The following GPC6 variants were observed in gnomAD, a reference collection of about 807,000 sequenced individuals.
GPC6 encodes the protein glypican 6.
A neutral mutation model predicts 55.2 loss-of-function variants in GPC6; 14 were observed. The observed-to-expected ratio is 0.25, with a 90% CI of 0.17 to 0.40. GPC6 has a LOEUF of 0.40. Among genes scored for constraint, GPC6 ranks in the 10% least tolerant of loss-of-function variants. The probability of loss-of-function intolerance (pLI) is 1.00; values close to 1 mark genes in which losing one functional copy is unlikely to be tolerated. For missense variants in GPC6, 641 were observed against 708.5 expected, an observed-to-expected ratio of 0.90 and a Z score of 1.08; for synonymous variants, 278 against 259.6, an observed-to-expected ratio of 1.07 and a Z score of -0.68.
chr13:94,226,677 T>C (rs1890570237), intron 4 of GPC6, among the ~76,000 whole-genome samples: 1 of 152,200 alleles, frequency 6.6e-6, no homozygotes, highest in African/African-American at 2.4e-5. Flanking sequence ...CGGTTTCTTA[T>C]CTTCACCATG....
intron 1 of GPC6, among the ~76,000 whole-genome samples, chr13:93,432,465 C>T (rs1877398925): frequency 6.6e-6 from 1 of 152,106 alleles, no homozygotes; most frequent in African/African-American, 2.4e-5. Context: ...GAACCAGTCA[C>T]ACAAATAAAT....
chr13:93,539,694 CT>C (rs11455046), intron 1 of GPC6, among the ~76,000 whole-genome samples: 42 of 144,792 alleles, frequency 2.9e-4, no homozygotes, highest in Non-Finnish European at 3.5e-4. Context: ...GTGCTTGGTA[CT>C]TTTTTTTTTT....
chr13:93,258,564 C>T (rs1408584194), intron 1 of GPC6, among the ~76,000 whole-genome samples: 1 of 152,050 alleles, frequency 6.6e-6, no homozygotes, highest in Admixed American at 6.6e-5. Context: ...GTAAATTAGC[C>T]ATAATTAGTT....
At chr13:93,952,188 A>G (rs1879281761) in intron 3 of GPC6, among the ~76,000 whole-genome samples, 2 of 152,158 alleles carry the variant, frequency 1.3e-5, no homozygotes, top group South Asian at 2.1e-4. Flanking sequence ...AAATTTGGCA[A>G]TCAAACAGAT....
At chr13:94,013,962 G>T (rs1303243906) in intron 3 of GPC6, among the ~76,000 whole-genome samples, 8 of 152,110 alleles carry the variant, frequency 5.3e-5, no homozygotes, top group Non-Finnish European at 1.5e-5. Context: ...TTCTGGGGAG[G>T]TTCCTAGTTA....
At chr13:94,138,184 G>C (rs532821655) in intron 4 of GPC6, among the ~76,000 whole-genome samples, 1 of 152,020 alleles carries the variant, frequency 6.6e-6, no homozygotes, top group Non-Finnish European at 1.5e-5. Flanking sequence ...TTTGGATTTC[G>C]GGTTTTCGGA....
At position 93,785,573 on chromosome 13, in the gene GPC6, G is replaced by C. The variant is rs1192871661; in HGVS notation, c.320-44581G>C. On this transcript the variant is annotated intron_variant, in intron 2 of 8. Coordinates refer to ENST00000377047, the MANE Select transcript of GPC6 (RefSeq NM_005708.5). ...GAGAAGGAAAGAAAAGCAAGGTACT[G>C]GGGAACTATCAAACAGCTGTTCTGT... Among the ~76,000 whole-genome samples, 3 of 152,294 alleles carry C rather than the reference G, an allele frequency of 2.0e-5. No homozygotes were observed. The East Asian group carries it at 5.8e-4, about 29-fold the overall frequency.
rs1274142639 is a variant in GPC6, at chr13:93,834,599, T to G, written c.711+4054T>G. Among the ~76,000 whole-genome samples the G allele has an allele frequency of 2.0e-5, 3 of 152,116 alleles. No homozygotes were observed. In the East Asian group the frequency reaches 5.8e-4, roughly 29 times the overall value. ...GAGTGTGTGTGTGTGTGTGCATGCATGTATGTGCAAGCATGTATACATGAA... is the reference window on the plus strand; with the variant it reads ...GAGTGTGTGTGTGTGTGTGCATGCAGGTATGTGCAAGCATGTATACATGAA... On this transcript the variant is annotated intron_variant, in intron 3 of 8. Coordinates refer to ENST00000377047, the MANE Select transcript of GPC6 (RefSeq NM_005708.5).
chr13:93,577,765 A>T (rs2139483888), intron 2 of GPC6, among the ~76,000 whole-genome samples: 1 of 152,068 alleles, frequency 6.6e-6, no homozygotes, highest in South Asian at 2.1e-4. Context: ...AGAGTGGTGA[A>T]AGTGGACATC....
At chr13:93,371,093 A>AT (rs1368369869) in intron 1 of GPC6, among the ~76,000 whole-genome samples, 3 of 152,130 alleles carry the variant, frequency 2.0e-5, no homozygotes, top group Admixed American at 6.6e-5. Flanking sequence ...GTTGTGACAG[A>AT]TGTTGTATTC....
intron 4 of GPC6, among the ~76,000 whole-genome samples, chr13:94,068,659 G>A (rs889596170): frequency 4.6e-5 from 7 of 152,142 alleles, no homozygotes; most frequent in East Asian, 1.9e-4. Context: ...GGGTAAATAC[G>A]GCCATTGCAA....
chr13:93,288,956 G>A (rs1409020513), intron 1 of GPC6, among the ~76,000 whole-genome samples: 1 of 152,188 alleles, frequency 6.6e-6, no homozygotes, highest in East Asian at 1.9e-4. Context: ...AATTAAACAA[G>A]CAACTGAAGA....
intron 1 of GPC6, among the ~76,000 whole-genome samples, chr13:93,527,086 G>T (rs991392311): frequency 6.6e-6 from 1 of 151,686 alleles, no homozygotes; most frequent in Non-Finnish European, 1.5e-5. Context: ...ATTATTTAGA[G>T]TTTTTTTATA....
At chr13:93,483,259 A>C (rs1879583476) in intron 1 of GPC6, among the ~76,000 whole-genome samples, 2 of 152,266 alleles carry the variant, frequency 1.3e-5, no homozygotes, top group East Asian at 3.9e-4. Context: ...TGGACAAAAA[A>C]CTTTAGGTTC....
chr13:93,767,451 G>T (rs1885159029), intron 2 of GPC6, among the ~76,000 whole-genome samples: 1 of 152,096 alleles, frequency 6.6e-6, no homozygotes, highest in Admixed American at 6.6e-5. Flanking sequence ...AGTGTCTATT[G>T]CCTCAGAGTA....
At chr13:93,590,867 G>T (rs559798743) in intron 2 of GPC6, among the ~76,000 whole-genome samples, 5 of 152,130 alleles carry the variant, frequency 3.3e-5, no homozygotes, top group African/African-American at 1.2e-4. Flanking sequence ...TTACATGACC[G>T]ACAGTTACTG....
At chr13:93,404,181 C>T (rs545871204) in intron 1 of GPC6, among the ~76,000 whole-genome samples, 2 of 152,148 alleles carry the variant, frequency 1.3e-5, no homozygotes, top group South Asian at 4.2e-4. Context: ...GAATATTAAC[C>T]TCAAGAGACT....
At chr13:93,972,945 G>T (rs1367636043) in intron 3 of GPC6, among the ~76,000 whole-genome samples, 2 of 136,708 alleles carry the variant, frequency 1.5e-5, no homozygotes, top group African/African-American at 2.7e-5. Flanking sequence ...CTCTCTCTCT[G>T]TCTTTCTCTC....
Position 93,765,273 on chromosome 13 carries a change from A to ACAACTTTCCAGATAAGCTGTCTGGAAAGG in GPC6, c.320-64853_320-64852insGCAACTTTCCAGATAAGCTGTCTGGAAAG, listed in dbSNP as rs1336765375. On this transcript the variant is annotated intron_variant, in intron 2 of 8. Coordinates refer to ENST00000377047, the MANE Select transcript of GPC6 (RefSeq NM_005708.5). ...CTTTCCAGATAAGCTGTCTGGAAAG[A>ACAACTTTCCAGATAAGCTGTCTGGAAAGG]CAACTTTCCAGATAAGCTGTCTGGA... Among the ~76,000 whole-genome samples, 7 of 152,086 alleles carry ACAACTTTCCAGATAAGCTGTCTGGAAAGG rather than the reference A, an allele frequency of 4.6e-5. No individual in the cohort carries two copies. The South Asian group carries it at 1.0e-3, about 23-fold the overall frequency.
Sources: gnomAD v4.1 joint callset for allele counts (sites outside exome capture counted in the v4.1 genomes callset) on GRCh38, gnomAD v4.1.1 for gene constraint, MANE v1.5 for transcripts, NCBI Gene and HGNC (gene_info 2026-07-23, HGNC 2026-07-21) for gene names.